The following MTMR7 variants were observed in gnomAD, a reference collection of about 807,000 sequenced individuals.
The protein encoded by MTMR7 is myotubularin related protein 7.
In MTMR7, 76 loss-of-function variants were observed where a neutral mutation model predicts 81.2. The observed-to-expected ratio is 0.94, with a 90% CI of 0.78 to 1.13. The LOEUF (loss-of-function observed/expected upper bound fraction) is 1.13. Ranked by LOEUF, MTMR7 falls within the 50% of genes most tolerant of loss-of-function variation. The probability of loss-of-function intolerance (pLI) is 0.00; values close to 1 mark genes in which losing one functional copy is unlikely to be tolerated. For missense variants in MTMR7, 1,044 were observed against 820.0 expected (o/e 1.27, Z -3.34); for synonymous variants, 372 against 289.8 (o/e 1.28, Z -2.88).
intron 7 of MTMR7, among the ~76,000 whole-genome samples, chr8:17,325,380 G>C (rs974929222): frequency 2.0e-5 from 3 of 152,196 alleles, no homozygotes; most frequent in Admixed American, 1.3e-4. Context: ...ACCTTTGCGT[G>C]GAAGAACAGA....
chr8:17,350,676 T>G (rs10095783), intron 4 of MTMR7, among the ~76,000 whole-genome samples: 48,173 of 151,986 alleles, frequency 0.32, 9,454 homozygotes, highest in East Asian at 0.71. Context: ...GGAAGATGGG[T>G]TTGTAGGGGT....
At chr8:17,322,347 C>G (rs887229095) in intron 7 of MTMR7, among the ~76,000 whole-genome samples, 6 of 152,106 alleles carry the variant, frequency 3.9e-5, no homozygotes, top group Non-Finnish European at 8.8e-5. Context: ...TACCAATGGC[C>G]TAAAGAAAAT....
intron 7 of MTMR7, among the ~76,000 whole-genome samples, chr8:17,320,899 G>C (rs1288057393): frequency 6.6e-6 from 1 of 152,294 alleles, no homozygotes; most frequent in South Asian, 2.1e-4. Flanking sequence ...ATGCCCCAAA[G>C]TGTTCAACTT....
chr8:17,361,358 G>C lies in MTMR7; in HGVS notation c.311-84C>G. 4 of 1,508,648 alleles carry C rather than the reference G, an allele frequency of 2.7e-6. No individual in the cohort carries two copies. The East Asian group carries it at 6.8e-5, about 26-fold the overall frequency. The allele number at this position is 1,508,648 out of a possible 1,614,324, so 93.5% of individuals were successfully genotyped here. A position where few individuals can be genotyped will look rare whatever the true frequency, so the allele number is the denominator to read the frequency against. On this transcript the variant is annotated intron_variant, in intron 3 of 13. Transcript: ENST00000180173. Reference sequence around the variant, plus strand: ...CCCCGAAAACATTCTGTCCCACCTGGAGTGCCCAGAGAGGCCATCCCAACC... The same window carrying C: ...CCCCGAAAACATTCTGTCCCACCTGCAGTGCCCAGAGAGGCCATCCCAACC...
intron 1 of MTMR7, among the ~76,000 whole-genome samples, chr8:17,375,151 T>G (rs929461700): frequency 6.6e-6 from 1 of 152,084 alleles, no homozygotes; most frequent in East Asian, 1.9e-4. Context: ...AGACTTCCCA[T>G]CTACTCCAAG....
At chr8:17,409,211 C>T (rs1348764628) in intron 1 of MTMR7, among the ~76,000 whole-genome samples, 1 of 152,100 alleles carries the variant, frequency 6.6e-6, no homozygotes, top group Admixed American at 6.5e-5. Flanking sequence ...GCAATCCCAG[C>T]ACTTTGGGAG....
At chr8:17,396,650 G>C (rs1422513723) in intron 1 of MTMR7, among the ~76,000 whole-genome samples, 1 of 151,968 alleles carries the variant, frequency 6.6e-6, no homozygotes. Flanking sequence ...AGGCAATCCG[G>C]GACACAGGAC....
intron 7 of MTMR7, among the ~76,000 whole-genome samples, chr8:17,313,648 T>G (rs1172259958): frequency 6.6e-6 from 1 of 152,200 alleles, no homozygotes; most frequent in African/African-American, 2.4e-5. Context: ...TATATATATG[T>G]AAGGTTGAAA....
rs1816703517 is a variant in MTMR7, at chr8:17,297,009, G to C, written c.*2853C>G. The C allele has an allele frequency of 6.6e-6, 1 of 152,104 alleles. No individual in the cohort carries two copies. The allele number at this position is 152,104 out of a possible 1,614,324, so 9.4% of individuals were successfully genotyped here. A position where few individuals can be genotyped will look rare whatever the true frequency, so the allele number is the denominator to read the frequency against. ...TTTGAATATGCCCGTATGAATGTGG[G>C]TTCTGTTTTTGCAACAGAGATTAAG... On this transcript the variant is annotated 3_prime_UTR_variant, in exon 14 of 14. Transcript: ENST00000180173.
At chr8:17,363,617 G>A (rs986099131) in intron 3 of MTMR7, among the ~76,000 whole-genome samples, 2 of 152,066 alleles carry the variant, frequency 1.3e-5, no homozygotes, top group Non-Finnish European at 2.9e-5. Flanking sequence ...TTAAGGAAAA[G>A]GGTGATCAAC....
intron 5 of MTMR7, among the ~76,000 whole-genome samples, chr8:17,347,680 A>G (rs796838991): frequency 1.1e-4 from 17 of 152,222 alleles, no homozygotes; most frequent in African/African-American, 4.1e-4. Flanking sequence ...GTTTTTTGCT[A>G]CCTTTTAAAA....
At chr8:17,405,642 G>A (rs1206597197) in intron 1 of MTMR7, among the ~76,000 whole-genome samples, 2 of 151,964 alleles carry the variant, frequency 1.3e-5, no homozygotes, top group African/African-American at 2.4e-5. Context: ...AATCATCCTT[G>A]AAAAGATAGT....
chr8:17,387,737 G>C (rs1439400949), intron 1 of MTMR7, among the ~76,000 whole-genome samples: 1 of 152,086 alleles, frequency 6.6e-6, no homozygotes, highest in Non-Finnish European at 1.5e-5. Flanking sequence ...AAATTATACT[G>C]ATCAGAGAAA....
intron 7 of MTMR7, 146 bp from the exon 8 acceptor site, chr8:17,313,547 C>G: frequency 1.8e-6 from 1 of 545,452 alleles, no homozygotes; most frequent in Non-Finnish European, 3.2e-6. Flanking sequence ...TAAATACCCA[C>G]GTTTACTAAA....
chr8:17,350,601 C>T (rs1819701425), intron 4 of MTMR7, among the ~76,000 whole-genome samples: 1 of 152,148 alleles, frequency 6.6e-6, no homozygotes, highest in South Asian at 2.1e-4. Flanking sequence ...ACACAGAAAC[C>T]CACATCAAGG....
At chr8:17,349,864 G>T (rs1819675924) in intron 4 of MTMR7, among the ~76,000 whole-genome samples, 1 of 152,154 alleles carries the variant, frequency 6.6e-6, no homozygotes, top group Non-Finnish European at 1.5e-5. Context: ...CAGCAGTTTA[G>T]GACCTGGCTC....
chr8:17,335,918 G>A (rs1191424177), intron 6 of MTMR7, among the ~76,000 whole-genome samples: 1 of 152,170 alleles, frequency 6.6e-6, no homozygotes, highest in Non-Finnish European at 1.5e-5. Context: ...ACTGCTGAGG[G>A]GTTTGCTCCG....
At chr8:17,368,412 C>T (rs1410674621) in intron 3 of MTMR7, among the ~76,000 whole-genome samples, 2 of 152,152 alleles carry the variant, frequency 1.3e-5, no homozygotes, top group Admixed American at 6.5e-5. Flanking sequence ...TGGTGACTAA[C>T]CAGAATATCG....
chr8:17,342,812 A>G (rs1006122946), intron 5 of MTMR7, among the ~76,000 whole-genome samples: 1 of 152,162 alleles, frequency 6.6e-6, no homozygotes, highest in African/African-American at 2.4e-5. Context: ...AAGGGGCAGC[A>G]GCAGAGTCAC....
Sources: allele counts gnomAD v4.1 joint callset (sites outside exome capture counted in the v4.1 genomes callset), GRCh38; gene constraint gnomAD v4.1.1; transcripts MANE v1.5; gene names NCBI Gene and HGNC (gene_info 2026-07-23, HGNC 2026-07-21).